CRPPA: variants seen among roughly 807,000 people sequenced by gnomAD.
CRPPA encodes the protein D-ribitol-5-phosphate cytidylyltransferase.
In CRPPA, 43 loss-of-function variants were observed where a neutral mutation model predicts 52.0. The ratio of observed to expected loss-of-function variants is 0.83; its 90% CI spans 0.65 to 1.07. CRPPA has a LOEUF of 1.07. Ranked by LOEUF, CRPPA falls within the 50% of genes least tolerant of loss-of-function variation. CRPPA has a pLI of 0.00. For missense variants in CRPPA, 629 were observed against 551.7 expected, an observed-to-expected ratio of 1.14 and a Z score of -1.40; for synonymous variants, 250 against 203.5, an observed-to-expected ratio of 1.23 and a Z score of -1.94.
intron 5 of CRPPA, among the ~76,000 whole-genome samples, chr7:16,284,002 T>C (rs538616861): frequency 1.3e-5 from 2 of 152,204 alleles, no homozygotes; most frequent in South Asian, 4.1e-4. Context: ...TATTGATACT[T>C]TGGCAGCACT....
In CRPPA at chr7:16,250,460, AG is replaced by A. The variant is rs1277707899; in HGVS notation, c.1119+7929del. Among the ~76,000 whole-genome samples the A allele has an allele frequency of 9.2e-5, 14 of 152,338 alleles. No homozygotes were observed. In the East Asian group the frequency reaches 2.7e-3, roughly 29 times the overall value. On this transcript the variant is annotated intron_variant, in intron 8 of 9. Coordinates refer to ENST00000407010, the MANE Select transcript of CRPPA (RefSeq NM_001101426.4). ...GGTTGAAATGAAGGAAAAAAGGTTA[AG>A]GGTAGCTGGAGAGAAAGGTCAGGTT...
At chr7:16,243,220 C>T (rs1224145180) in intron 8 of CRPPA, among the ~76,000 whole-genome samples, 1 of 152,152 alleles carries the variant, frequency 6.6e-6, no homozygotes. Flanking sequence ...TCTCACCTGT[C>T]GCCTTTTGAA....
chr7:16,239,725 T>A (rs1349231928), intron 8 of CRPPA, among the ~76,000 whole-genome samples: 2 of 152,286 alleles, frequency 1.3e-5, no homozygotes, highest in East Asian at 3.9e-4. Flanking sequence ...GTGCATTTCA[T>A]CTTAAATGTT....
chr7:16,305,663 C>A (rs1361512643), intron 4 of CRPPA, among the ~76,000 whole-genome samples: 104 of 152,104 alleles, frequency 6.8e-4, no homozygotes, highest in Non-Finnish European at 8.8e-5. Flanking sequence ...GTCAGGAGAT[C>A]AAGACCATCC....
intron 8 of CRPPA, among the ~76,000 whole-genome samples, chr7:16,230,030 T>C (rs1177042774): frequency 2.0e-5 from 3 of 152,170 alleles, no homozygotes; most frequent in African/African-American, 2.4e-5. Flanking sequence ...AATTCCTTTA[T>C]GTTATCTGCT....
chr7:16,114,012 A>T (rs1782318135), intron 9 of CRPPA, among the ~76,000 whole-genome samples: 1 of 152,104 alleles, frequency 6.6e-6, no homozygotes, highest in South Asian at 2.1e-4. Context: ...ACTGGGTAAG[A>T]ACAGTAGCAT....
intron 8 of CRPPA, among the ~76,000 whole-genome samples, chr7:16,235,561 T>C (rs1782926842): frequency 6.6e-6 from 1 of 152,048 alleles, no homozygotes; most frequent in African/African-American, 2.4e-5. Context: ...TGCTTTGACA[T>C]GAAAACAGCA....
chr7:16,118,546 G>A (rs2128369098), intron 9 of CRPPA, among the ~76,000 whole-genome samples: 1 of 152,260 alleles, frequency 6.6e-6, no homozygotes, highest in Non-Finnish European at 1.5e-5. Context: ...ACCAATCCCA[G>A]TGTGTAGCCT....
intron 9 of CRPPA, among the ~76,000 whole-genome samples, chr7:16,193,646 TA>T (rs758074735): frequency 6.6e-6 from 1 of 152,028 alleles, no homozygotes; most frequent in Non-Finnish European, 1.5e-5. Context: ...ACCATAAATA[TA>T]AAAGGGATTA....
chr7:16,298,792 G>C (rs1784725456), intron 5 of CRPPA, among the ~76,000 whole-genome samples: 1 of 152,188 alleles, frequency 6.6e-6, no homozygotes, highest in African/African-American at 2.4e-5. Flanking sequence ...ACTGAAGTGT[G>C]GGAGCATCAT....
At chr7:16,303,450 T>C (rs1784830860) in intron 4 of CRPPA, among the ~76,000 whole-genome samples, 1 of 124,216 alleles carries the variant, frequency 8.1e-6, no homozygotes, top group African/African-American at 3.3e-5. Flanking sequence ...CATGTTGTTC[T>C]TGTTTCTGTG....
chr7:16,232,479 T>A (rs1386479502), intron 8 of CRPPA, among the ~76,000 whole-genome samples: 1 of 152,266 alleles, frequency 6.6e-6, no homozygotes, highest in South Asian at 2.1e-4. Flanking sequence ...CTTCACCAAT[T>A]GTCAGTAGCA....
chr7:16,191,416 C>G (rs920847708), intron 9 of CRPPA, among the ~76,000 whole-genome samples: 3 of 151,990 alleles, frequency 2.0e-5, no homozygotes, highest in Non-Finnish European at 2.9e-5. Flanking sequence ...TTATTTATTC[C>G]TTACAGAGAA....
chr7:16,331,235 G>A (rs373595022), intron 3 of CRPPA, among the ~76,000 whole-genome samples: 11 of 152,180 alleles, frequency 7.2e-5, no homozygotes, highest in Middle Eastern at 3.4e-3. Context: ...TCCTGACCTC[G>A]TGATCCGCCT....
intron 8 of CRPPA, chr7:16,247,895 G>T (rs749252078): frequency 6.6e-6 from 1 of 151,966 alleles, no homozygotes; most frequent in Non-Finnish European, 1.5e-5. Flanking sequence ...CTTGGTACAG[G>T]AACAACAGAG....
intron 3 of CRPPA, among the ~76,000 whole-genome samples, chr7:16,355,905 A>G (rs1729033045): frequency 6.6e-6 from 1 of 152,180 alleles, no homozygotes; most frequent in Non-Finnish European, 1.5e-5. Context: ...TTCACTGATT[A>G]CCCCATATCA....
chr7:16,393,218 A>G (rs925840813), intron 2 of CRPPA, among the ~76,000 whole-genome samples: 1 of 152,200 alleles, frequency 6.6e-6, no homozygotes, highest in African/African-American at 2.4e-5. Flanking sequence ...GGAAACATTA[A>G]AAATTACCTA....
chr7:16,241,734 T>C (rs978451017), intron 8 of CRPPA, among the ~76,000 whole-genome samples: 1 of 152,028 alleles, frequency 6.6e-6, no homozygotes, highest in Admixed American at 6.6e-5. Context: ...ATAAGGAACT[T>C]TATTTTACTT....
chr7:16,324,951 G>C (rs887315821), intron 3 of CRPPA, among the ~76,000 whole-genome samples: 1 of 152,204 alleles, frequency 6.6e-6, no homozygotes, highest in African/African-American at 2.4e-5. Flanking sequence ...GACAATTCCT[G>C]CTAAGGATGG....
Sources: allele counts gnomAD v4.1 joint callset (sites outside exome capture counted in the v4.1 genomes callset), GRCh38; gene constraint gnomAD v4.1.1; transcripts MANE v1.5; gene names NCBI Gene and HGNC (gene_info 2026-07-23, HGNC 2026-07-21).